APBB1IP: variants seen among roughly 807,000 people sequenced by gnomAD.
APBB1IP encodes amyloid beta A4 precursor protein-binding family B member 1-interacting protein.
In APBB1IP, 27 loss-of-function variants were observed where a neutral mutation model predicts 64.9. The ratio of observed to expected loss-of-function variants is 0.42; its 90% CI spans 0.31 to 0.57. APBB1IP has a LOEUF of 0.57. Among genes scored for constraint, APBB1IP ranks in the 20% least tolerant of loss-of-function variants. APBB1IP has a pLI of 0.20. For synonymous variants in APBB1IP, 392 were observed against 331.0 expected, an observed-to-expected ratio of 1.18 and a Z score of -2.00; for missense variants, 812 against 845.5, an observed-to-expected ratio of 0.96 and a Z score of 0.49.
rs1836265926 is a variant in APBB1IP, at chr10:26,511,908, T to C, written c.691+2T>C. ...AAATCTACCCGGAACTACAAATTGG[T>C]AAGTCCCATCCCCAGCAATGGGCTG... is the stretch of plus-strand genomic sequence containing the variant. On this transcript the variant is annotated splice_donor_variant, in intron 7 of 14. Coordinates refer to ENST00000376236, the MANE Select transcript of APBB1IP (RefSeq NM_019043.4). LOFTEE classifies it high-confidence loss of function. 1 of 1,614,084 alleles carries C rather than the reference T, an allele frequency of 6.2e-7. No individual in the cohort carries two copies. Among genetic ancestry groups the C allele is most frequent in the Non-Finnish European group, 8.5e-7 (1 of 1,180,014 alleles).
chr10:26,509,411 A>G (rs2132444051), intron 6 of APBB1IP, among the ~76,000 whole-genome samples: 1 of 152,284 alleles, frequency 6.6e-6, no homozygotes, highest in East Asian at 1.9e-4. Flanking sequence ...GGTGTTTGTG[A>G]ATGTTGGAAA....
At chr10:26,472,328 G>A (rs940308300) in intron 2 of APBB1IP, among the ~76,000 whole-genome samples, 1 of 152,192 alleles carries the variant, frequency 6.6e-6, no homozygotes, top group Non-Finnish European at 1.5e-5. Context: ...AGCCATGAAA[G>A]TGGCTTTGGA....
intron 2 of APBB1IP, among the ~76,000 whole-genome samples, chr10:26,462,524 T>C (rs2132407715): frequency 6.6e-6 from 1 of 152,364 alleles, no homozygotes; most frequent in Non-Finnish European, 1.5e-5. Flanking sequence ...TTTAATATTT[T>C]AACTTAGTGA....
At chr10:26,543,976 G>A (rs534229200) in intron 11 of APBB1IP, among the ~76,000 whole-genome samples, 2 of 152,320 alleles carry the variant, frequency 1.3e-5, no homozygotes, top group South Asian at 4.1e-4. Flanking sequence ...GGAAAAATAA[G>A]AATAATGGCA....
At chr10:26,451,980 T>C (rs551863132) in intron 2 of APBB1IP, among the ~76,000 whole-genome samples, 1 of 152,340 alleles carries the variant, frequency 6.6e-6, no homozygotes, top group Non-Finnish European at 1.5e-5. Context: ...TTAAGGATGG[T>C]TAGAACATGT....
chr10:26,542,342 G>A (rs1313572793), intron 11 of APBB1IP, among the ~76,000 whole-genome samples: 1 of 152,086 alleles, frequency 6.6e-6, no homozygotes, highest in African/African-American at 2.4e-5. Context: ...TTTTAGTTAA[G>A]ATAGGGCTTT....
At chr10:26,557,322 C>T (rs1396896871) in intron 11 of APBB1IP, among the ~76,000 whole-genome samples, 1 of 152,102 alleles carries the variant, frequency 6.6e-6, no homozygotes, top group East Asian at 1.9e-4. Flanking sequence ...AAGTTCTCAC[C>T]GTCGGTAGAG....
intron 2 of APBB1IP, among the ~76,000 whole-genome samples, chr10:26,488,791 C>T (rs907020914): frequency 5.3e-5 from 8 of 152,238 alleles, no homozygotes; most frequent in Non-Finnish European, 1.2e-4. Flanking sequence ...TCCCTGCACA[C>T]ATAGACCTAG....
intron 10 of APBB1IP, among the ~76,000 whole-genome samples, chr10:26,539,847 C>T (rs1041593741): frequency 6.6e-6 from 1 of 152,120 alleles, no homozygotes. Flanking sequence ...CACCGCATAA[C>T]TAAAAGTTGC....
At chr10:26,481,685 G>T (rs561096498) in intron 2 of APBB1IP, among the ~76,000 whole-genome samples, 1 of 151,994 alleles carries the variant, frequency 6.6e-6, no homozygotes, top group African/African-American at 2.4e-5. Flanking sequence ...ATGGGGTCTT[G>T]CTATATTGCC....
intron 13 of APBB1IP, 138 bp downstream of exon 13, chr10:26,560,982 C>CCTG: frequency 2.0e-6 from 1 of 488,124 alleles, no homozygotes; most frequent in Non-Finnish European, 3.4e-6. Context: ...CAGGCTCAAA[C>CCTG]TCCCCGACTC....
At chr10:26,458,152 C>T (rs1408922239) in intron 2 of APBB1IP, among the ~76,000 whole-genome samples, 1 of 152,124 alleles carries the variant, frequency 6.6e-6, no homozygotes, top group African/African-American at 2.4e-5. Flanking sequence ...CTTTGGGAGG[C>T]CAAGGTCGGT....
intron 2 of APBB1IP, among the ~76,000 whole-genome samples, chr10:26,472,222 A>G (rs1835726306): frequency 6.6e-6 from 1 of 152,244 alleles, no homozygotes; most frequent in African/African-American, 2.4e-5. Context: ...CATCTGGCTC[A>G]GATCATCATA....
chr10:26,503,777 T>C lies in APBB1IP; in HGVS notation c.531+503T>C, dbSNP rs186354300. 8.2e-4 allele frequency among the ~76,000 whole-genome samples: 125 copies of C among 152,346 alleles called. 2 individuals carry two copies. Among genetic ancestry groups the C allele is most frequent in the Middle Eastern group, 6.8e-3 (2 of 294 alleles). Reference sequence around the variant, plus strand: ...CATCAGTTAGCTCACTTGTGATTGATAAATAAGGGACTTGTGTTAATATAA... The same window carrying C: ...CATCAGTTAGCTCACTTGTGATTGACAAATAAGGGACTTGTGTTAATATAA... On this transcript the variant is annotated intron_variant, in intron 6 of 14. Transcript: ENST00000376236.
chr10:26,461,171 A>AGAAGGAAAGAAG (rs1285508281), intron 2 of APBB1IP, among the ~76,000 whole-genome samples: 1 of 152,082 alleles, frequency 6.6e-6, no homozygotes, highest in Non-Finnish European at 1.5e-5. Context: ...AGGGAAAGAA[A>AGAAGGAAAGAAG]GAAGGAAAGA....
intron 9 of APBB1IP, among the ~76,000 whole-genome samples, chr10:26,534,793 C>T (rs1156793104): frequency 2.0e-5 from 3 of 152,104 alleles, no homozygotes; most frequent in South Asian, 4.1e-4. Flanking sequence ...AGGAATTCAG[C>T]GATGTTTTAC....
At chr10:26,560,959 C>A in intron 13 of APBB1IP, 115 bp downstream of exon 13, 1 of 652,358 alleles carries the variant, frequency 1.5e-6, no homozygotes, top group Non-Finnish European at 2.3e-6. Flanking sequence ...GAATATGTTT[C>A]TCACCTGATG....
At chr10:26,527,935 A>G (rs1836498865) in intron 8 of APBB1IP, among the ~76,000 whole-genome samples, 1 of 152,070 alleles carries the variant, frequency 6.6e-6, no homozygotes. Context: ...CAGGTGATCC[A>G]ACAGCCTTGG....
intron 2 of APBB1IP, among the ~76,000 whole-genome samples, chr10:26,453,633 T>G (rs1835489204): frequency 6.6e-6 from 1 of 152,122 alleles, no homozygotes; most frequent in African/African-American, 2.4e-5. Flanking sequence ...AGACCACTAG[T>G]GTTCCTCTGG....
Sources: allele counts gnomAD v4.1 joint callset (sites outside exome capture counted in the v4.1 genomes callset), GRCh38; gene constraint gnomAD v4.1.1; transcripts MANE v1.5; gene names NCBI Gene and HGNC (gene_info 2026-07-23, HGNC 2026-07-21).